The following ATF6 variants were observed in gnomAD, a reference collection of about 807,000 sequenced individuals.
ATF6 encodes cyclic AMP-dependent transcription factor ATF-6 alpha.
Under a neutral mutation model 83.6 loss-of-function variants are expected in ATF6, and 53 were observed. The observed-to-expected ratio is 0.63, with a 90% confidence interval of 0.51 to 0.80. The LOEUF is 0.80. Ranked by LOEUF, ATF6 falls within the 30% of genes least tolerant of loss-of-function variation. The pLI is 0.00. For synonymous variants in ATF6, 288 were observed against 285.8 expected (o/e 1.01, Z -0.08); for missense variants, 744 against 797.9 (o/e 0.93, Z 0.81).
chr1:161,945,865 C>T (rs767676137), intron 15 of ATF6, among the ~76,000 whole-genome samples: 1 of 152,130 alleles, frequency 6.6e-6, no homozygotes, highest in Non-Finnish European at 1.5e-5. Flanking sequence ...CTGAACAGTC[C>T]CTGCCCTGAT....
chr1:161,915,614 A>G (rs1688081244), intron 15 of ATF6, among the ~76,000 whole-genome samples: 1 of 150,142 alleles, frequency 6.7e-6, no homozygotes, highest in Non-Finnish European at 1.5e-5. Flanking sequence ...TCCCATCAGC[A>G]TACAAATGTC....
At chr1:161,879,031 C>G (rs926554482) in intron 14 of ATF6, among the ~76,000 whole-genome samples, 1 of 152,000 alleles carries the variant, frequency 6.6e-6, no homozygotes, top group African/African-American at 2.4e-5. Context: ...GAAGTCGAGT[C>G]CTTGAGAAGG....
chr1:161,894,963 A>G (rs1432760253), intron 14 of ATF6, among the ~76,000 whole-genome samples: 1 of 151,672 alleles, frequency 6.6e-6, no homozygotes, highest in Admixed American at 6.6e-5. Context: ...TTCAGGCCAG[A>G]TGCAGTGGCT....
intron 7 of ATF6, among the ~76,000 whole-genome samples, chr1:161,811,690 TATCC>T (rs367625221): frequency 5.2e-4 from 79 of 151,004 alleles, no homozygotes; most frequent in Non-Finnish European, 7.8e-4. Context: ...ATCCATCCAC[TATCC>T]ATCCATCCAT....
chr1:161,821,046 A>G, intron 8 of ATF6, 24 bp from the exon 9 acceptor site: 5 of 1,531,848 alleles, frequency 3.3e-6, no homozygotes, highest in Non-Finnish European at 3.6e-6. Context: ...GTTTAATTGT[A>G]TTTAATGTGG....
chr1:161,792,465 G>A, intron 6 of ATF6, 138 bp downstream of exon 6: 1 of 809,944 alleles, frequency 1.2e-6, no homozygotes, highest in East Asian at 2.5e-5. Flanking sequence ...TGAGGACGTT[G>A]CAGAGATGAC....
intron 15 of ATF6, among the ~76,000 whole-genome samples, chr1:161,940,797 T>G (rs1571251851): frequency 6.6e-6 from 1 of 152,126 alleles, no homozygotes; most frequent in South Asian, 2.1e-4. Flanking sequence ...CTCTTGACCT[T>G]GTGATCCGCC....
intron 14 of ATF6, among the ~76,000 whole-genome samples, chr1:161,895,378 T>G (rs1030646672): frequency 6.6e-6 from 1 of 152,266 alleles, no homozygotes; most frequent in Non-Finnish European, 1.5e-5. Flanking sequence ...TTTACTTATT[T>G]TAAAGGATGC....
intron 4 of ATF6, among the ~76,000 whole-genome samples, chr1:161,789,735 G>A (rs61801253): frequency 8.8e-4 from 134 of 151,880 alleles, no homozygotes; most frequent in Non-Finnish European, 1.6e-3. Context: ...AGTATTCCTC[G>A]GATCCTTGTT....
At chr1:161,893,795 G>T (rs11581364) in intron 14 of ATF6, among the ~76,000 whole-genome samples, 42,881 of 151,992 alleles carry the variant, frequency 0.28, 7,455 homozygotes, top group South Asian at 0.42. Flanking sequence ...TTCAACTAAT[G>T]TTAATCATCT....
At chr1:161,803,813 AT>A (rs566182888) in intron 7 of ATF6, among the ~76,000 whole-genome samples, 1 of 152,054 alleles carries the variant, frequency 6.6e-6, no homozygotes, top group African/African-American at 2.4e-5. Flanking sequence ...ATGAAAAAGG[AT>A]TTTTAAAAAT....
chr1:161,829,320 C>T (rs2101797169), intron 9 of ATF6, among the ~76,000 whole-genome samples: 1 of 148,292 alleles, frequency 6.7e-6, no homozygotes. Flanking sequence ...GAGACTTTAA[C>T]ACCCCACTGT....
chr1:161,828,214 C>A (rs1685954126), intron 9 of ATF6, among the ~76,000 whole-genome samples: 1 of 151,576 alleles, frequency 6.6e-6, no homozygotes, highest in South Asian at 2.1e-4. Context: ...GTTAAGGAAC[C>A]TTAACCTTTT....
chr1:161,795,314 A>C (rs901801492), intron 6 of ATF6, among the ~76,000 whole-genome samples: 5 of 152,148 alleles, frequency 3.3e-5, no homozygotes, highest in African/African-American at 1.2e-4. Flanking sequence ...AATAATAATA[A>C]TTGCATTTAA....
intron 15 of ATF6, among the ~76,000 whole-genome samples, chr1:161,939,984 C>G (rs1688612912): frequency 6.6e-6 from 1 of 152,164 alleles, no homozygotes; most frequent in African/African-American, 2.4e-5. Context: ...GCTAATGTCT[C>G]CCAGATTTGT....
chr1:161,906,900 G>A (rs1687886184), intron 14 of ATF6, among the ~76,000 whole-genome samples: 1 of 152,088 alleles, frequency 6.6e-6, no homozygotes, highest in Non-Finnish European at 1.5e-5. Flanking sequence ...CTTTGCTTAT[G>A]TTTTTACTAT....
chr1:161,782,354 G>A (rs1684653443), intron 3 of ATF6, among the ~76,000 whole-genome samples: 1 of 152,198 alleles, frequency 6.6e-6, no homozygotes, highest in South Asian at 2.1e-4. Flanking sequence ...GGAACTTGGT[G>A]GAGGAGTCCC....
chr1:161,854,927 C>G (rs1403029636), intron 12 of ATF6, among the ~76,000 whole-genome samples: 1 of 151,378 alleles, frequency 6.6e-6, no homozygotes, highest in Non-Finnish European at 1.5e-5. Flanking sequence ...ACAGAGGGAA[C>G]AGCAAATGTA....
At chr1:161,790,461 G>A (rs754572849) in intron 4 of ATF6, among the ~76,000 whole-genome samples, 2 of 152,160 alleles carry the variant, frequency 1.3e-5, no homozygotes, top group African/African-American at 2.4e-5. Flanking sequence ...GGGAAAATGC[G>A]AATGTTATCT....
Sources: allele counts gnomAD v4.1 joint callset (sites outside exome capture counted in the v4.1 genomes callset), GRCh38; gene constraint gnomAD v4.1.1; transcripts MANE v1.5; gene names NCBI Gene and HGNC (gene_info 2026-07-23, HGNC 2026-07-21).